Variants in FRYL observed in about 807,000 individuals in gnomAD.
FRYL encodes the protein protein furry homolog-like.
In FRYL, 150 loss-of-function variants were observed where a neutral mutation model predicts 351.2. The observed-to-expected ratio is 0.43, with a 90% CI of 0.37 to 0.49. The LOEUF is 0.49. Ranked by LOEUF, FRYL falls within the 20% of genes least tolerant of loss-of-function variation. FRYL has a pLI of 0.00. For synonymous variants in FRYL, 1,153 were observed against 1,257.1 expected (o/e 0.92, Z 1.75); for missense variants, 3,036 against 3,619.3 (o/e 0.84, Z 4.13).
rs189047851 is a variant in FRYL, at chr4:48,726,466, G to C, written c.-383-15768C>G. On this transcript the variant is annotated intron_variant, in intron 1 of 63. Transcript: ENST00000358350. Reference sequence around the variant, plus strand: ...GGAGGCCGAGGTGGGTGGATCACTTGAGATCAGGAATTTGAGACCAGCCTG... The same window carrying C: ...GGAGGCCGAGGTGGGTGGATCACTTCAGATCAGGAATTTGAGACCAGCCTG... Among the ~76,000 whole-genome samples the C allele has an allele frequency of 8.3e-4, 126 of 152,240 alleles. 1 individual carries two copies. The highest frequency in any genetic ancestry group is 2.9e-3 in the African/African-American group (121 of 41,558).
intron 1 of FRYL, among the ~76,000 whole-genome samples, chr4:48,723,585 C>A (rs779753196): frequency 3.3e-5 from 5 of 152,102 alleles, no homozygotes; most frequent in Non-Finnish European, 5.9e-5. Context: ...CCTTCACATC[C>A]CCACATCTAA....
At chr4:48,544,302 C>T (rs983405207) in intron 43 of FRYL, among the ~76,000 whole-genome samples, 1 of 152,146 alleles carries the variant, frequency 6.6e-6, no homozygotes, top group African/African-American at 2.4e-5. Context: ...TCTCTGGCCT[C>T]AACCCACCAG....
rs1428112659 is a variant in FRYL at position 48,579,148 on chromosome 4, G to A, written c.2353C>T (p.Pro785Ser). 6.2e-7 allele frequency: 1 copy of A among 1,611,568 alleles called. No individual in the cohort carries two copies. Among genetic ancestry groups the A allele is most frequent in the Admixed American group, 1.7e-5 (1 of 60,012 alleles). The part of the protein sequence containing the change: ...PISHQFDVIS[P>S]SHIWIFAHVT... ...TGTGCAAATATCCATATATGTGATG[G>A]ACTAATCACATCAAACTGGTGGCTA... The change falls in exon 23 of 64, where the codon CCA (proline) becomes TCA (serine). Residue 785 changes from proline to serine, a missense_variant. Physicochemically the swap from Pro to Ser is moderately conservative, Grantham distance 74. This residue lies in a region of FRYL where 492 missense variants were observed against 551.5 expected (regional missense o/e 0.89). Coordinates refer to ENST00000358350, the MANE Select transcript of FRYL (RefSeq NM_015030.2).
chr4:48,558,201 T>C (rs1734571402), intron 33 of FRYL, among the ~76,000 whole-genome samples: 1 of 152,124 alleles, frequency 6.6e-6, no homozygotes, highest in African/African-American at 2.4e-5. Flanking sequence ...ATAAACCAAA[T>C]GTATATACAT....
Position 48,567,512 on chromosome 4 carries a change from G to T in FRYL, c.2997-92C>A. 1 of 901,580 alleles carries T rather than the reference G, an allele frequency of 1.1e-6. No individual in the cohort carries two copies. The highest frequency in any genetic ancestry group is 1.7e-5 in the African/African-American group (1 of 58,356). The allele number at this position is 901,580 out of a possible 1,614,324, so 55.8% of individuals were successfully genotyped here. A position where few individuals can be genotyped will look rare whatever the true frequency, so the allele number is the denominator to read the frequency against. Reference sequence around the variant, plus strand: ...AATACTCAAAATCAGAATAATACATGTTAATTTTGCATGCTCATGGCAGCA... The same window carrying T: ...AATACTCAAAATCAGAATAATACATTTTAATTTTGCATGCTCATGGCAGCA... On this transcript the variant is annotated intron_variant, in intron 27 of 63. Coordinates refer to ENST00000358350, the MANE Select transcript of FRYL (RefSeq NM_015030.2). This position sits in a 1 kb window ranked among gnomAD's most constrained non-coding sequence, Gnocchi z 4.2.
intron 35 of FRYL, among the ~76,000 whole-genome samples, chr4:48,555,368 T>A (rs1447885560): frequency 1.3e-5 from 2 of 152,164 alleles, no homozygotes; most frequent in African/African-American, 4.8e-5. Flanking sequence ...GATGCAAAAT[T>A]AATGAGGTAA....
intron 27 of FRYL, among the ~76,000 whole-genome samples, chr4:48,569,739 T>C (rs1737826209): frequency 1.3e-5 from 2 of 152,216 alleles, no homozygotes; most frequent in African/African-American, 4.8e-5. Context: ...AAATAAATAA[T>C]TGGGAGAAAT....
chr4:48,677,752 G>A (rs139693050), intron 3 of FRYL, among the ~76,000 whole-genome samples: 20 of 152,332 alleles, frequency 1.3e-4, no homozygotes, highest in African/African-American at 3.8e-4. Context: ...AATTAAAGAA[G>A]TTGGAAACAA....
At chr4:48,618,303 A>G (rs897282316) in intron 7 of FRYL, 15 of 152,232 alleles carry the variant, frequency 9.9e-5, no homozygotes, top group African/African-American at 3.4e-4. Context: ...CTGTCTTTTC[A>G]TATTCCTTGT....
At chr4:48,602,709 TAGAC>T (rs964387188) in intron 12 of FRYL, among the ~76,000 whole-genome samples, 13 of 152,120 alleles carry the variant, frequency 8.5e-5, no homozygotes, top group African/African-American at 2.7e-4. Flanking sequence ...TTATGTGAAA[TAGAC>T]AGGTAGAAAA....
chr4:48,677,063 T>C (rs572278398), intron 3 of FRYL, among the ~76,000 whole-genome samples: 7 of 152,204 alleles, frequency 4.6e-5, no homozygotes, highest in African/African-American at 7.2e-5. Context: ...CATTTAAAAA[T>C]ATATTTTACA....
At chr4:48,753,108 G>T (rs906571830) in intron 1 of FRYL, among the ~76,000 whole-genome samples, 1 of 152,134 alleles carries the variant, frequency 6.6e-6, no homozygotes, top group Non-Finnish European at 1.5e-5. Flanking sequence ...GGATTGCAGG[G>T]AAAGAAAATC....
At chr4:48,508,681 T>G (rs1486916471) in intron 59 of FRYL, among the ~76,000 whole-genome samples, 1 of 152,150 alleles carries the variant, frequency 6.6e-6, no homozygotes, top group African/African-American at 2.4e-5. Context: ...AAGTTCCAAG[T>G]TGGCTTCACT....
At chr4:48,660,169 T>C (rs1377861913) in intron 3 of FRYL, among the ~76,000 whole-genome samples, 1 of 151,998 alleles carries the variant, frequency 6.6e-6, no homozygotes, top group Non-Finnish European at 1.5e-5. Flanking sequence ...CTGAAAGAGC[T>C]CTTAATGGTC....
intron 3 of FRYL, 27 bp from the exon 4 acceptor site, chr4:48,634,517 CTACTT>C: frequency 6.4e-7 from 1 of 1,572,858 alleles, no homozygotes; most frequent in Non-Finnish European, 8.7e-7. Context: ...CAAAAGAACT[CTACTT>C]TAATAAATCA....
intron 19 of FRYL, among the ~76,000 whole-genome samples, chr4:48,586,209 A>G (rs1041237130): frequency 6.6e-6 from 1 of 152,182 alleles, no homozygotes; most frequent in Admixed American, 6.5e-5. Flanking sequence ...AGGGGGAAAA[A>G]AAAGCACAAA....
Position 48,499,377 on chromosome 4 carries a change from TTCA to T in FRYL, c.*42_*44del. 6.3e-7 allele frequency: 1 copy of T among 1,580,834 alleles called. No homozygotes were observed. The highest frequency in any genetic ancestry group is 8.7e-7 in the Non-Finnish European group (1 of 1,152,372). On this transcript the variant is annotated 3_prime_UTR_variant, in exon 64 of 64. Transcript: ENST00000358350. ...CATAAAAGGTGCTTGGTTAATATTC[TTCA>T]TCATCTTCAGTTTAGTTTCTTTCCT...
Position 48,632,110 on chromosome 4 carries a change from A to ATGTATATG in FRYL, c.120+2180_120+2181insCATATACA, listed in dbSNP as rs1553957678. ...AAAAAAAATATATATATATATATAT[A>ATGTATATG]TATATATATATATATATATGCGCAC... On this transcript the variant is annotated intron_variant, in intron 4 of 63. Coordinates refer to ENST00000358350, the MANE Select transcript of FRYL (RefSeq NM_015030.2). Among the ~76,000 whole-genome samples the ATGTATATG allele has an allele frequency of 3.4e-3, 320 of 94,698 alleles. 4 individuals carry two copies. The highest frequency in any genetic ancestry group is 6.7e-3 in the East Asian group (22 of 3,308). The allele number at this position is 94,698 out of a possible 152,430, so 62.1% of individuals were successfully genotyped here. A position where few individuals can be genotyped will look rare whatever the true frequency, so the allele number is the denominator to read the frequency against.
intron 17 of FRYL, among the ~76,000 whole-genome samples, 159 bp downstream of exon 17, chr4:48,590,500 C>CA (rs1231752016): frequency 2.6e-5 from 4 of 151,422 alleles, no homozygotes; most frequent in East Asian, 1.9e-4. Flanking sequence ...AAAACAAAAA[C>CA]AAAAAACAAA....
Sources: gnomAD v4.1 joint callset for allele counts (sites outside exome capture counted in the v4.1 genomes callset) on GRCh38, gnomAD v4.1.1 for gene constraint, gnomAD v4.1.1 regional missense constraint, Gnocchi (gnomAD v3.1) non-coding constraint, MANE v1.5 for transcripts, NCBI Gene and HGNC (gene_info 2026-07-23, HGNC 2026-07-21) for gene names.